The following PLCE1 variants were observed in gnomAD, a reference collection of about 807,000 sequenced individuals.
PLCE1 encodes the protein phospholipase C epsilon 1.
PLCE1 carries 119 observed loss-of-function variants against 242.8 expected under a neutral mutation model. The observed-to-expected ratio is 0.49, with a 90% CI of 0.42 to 0.57. PLCE1 has a LOEUF of 0.57. Among genes scored for constraint, PLCE1 ranks in the 20% least tolerant of loss-of-function variants. PLCE1 has a pLI of 0.00. For missense variants in PLCE1, 2,441 were observed against 2,788.8 expected (o/e 0.88, Z 2.81); for synonymous variants, 945 against 1,017.4 (o/e 0.93, Z 1.35).
chr10:94,009,803 T>A (rs1462834160), intron 1 of PLCE1, among the ~76,000 whole-genome samples: 1 of 152,264 alleles, frequency 6.6e-6, no homozygotes, highest in East Asian at 1.9e-4. Flanking sequence ...CAGAGCACAC[T>A]GGTGCTTTAT....
At chr10:94,257,791 G>A (rs966841044) in intron 11 of PLCE1, among the ~76,000 whole-genome samples, 2 of 152,150 alleles carry the variant, frequency 1.3e-5, no homozygotes, top group African/African-American at 4.8e-5. Context: ...GGAGGAGGGA[G>A]GGATAGCATT....
chr10:94,308,845 T>C (rs778927879), intron 27 of PLCE1, 146 bp downstream of exon 27: 1 of 750,670 alleles, frequency 1.3e-6, no homozygotes, highest in Non-Finnish European at 2.4e-6. Flanking sequence ...CACTTGGCAC[T>C]GACTAAGCAC....
Position 94,141,535 on chromosome 10 carries a change from GT to G in PLCE1, c.1492+9077del. ...AAGGTGAAGGGAAGGCTAAGGGAAG[GT>G]GAAGGGAAGGCTAAGGGAAGGTGAA... On this transcript the variant is annotated intron_variant, in intron 3 of 32. Coordinates refer to ENST00000371380, the MANE Select transcript of PLCE1 (RefSeq NM_016341.4). 2.3e-5 allele frequency among the ~76,000 whole-genome samples: 3 copies of G among 131,360 alleles called. 1 individual carries two copies. The highest frequency in any genetic ancestry group is 1.5e-4 in the Admixed American group (2 of 13,290). 86.2% of individuals were successfully genotyped at this position (131,360 alleles called of 152,430 possible).
intron 2 of PLCE1, among the ~76,000 whole-genome samples, chr10:94,053,346 A>G (rs1180720809): frequency 6.6e-6 from 1 of 152,242 alleles, no homozygotes; most frequent in Non-Finnish European, 1.5e-5. Flanking sequence ...TGTCATTATG[A>G]TCTCTGTGAC....
intron 7 of PLCE1, among the ~76,000 whole-genome samples, chr10:94,245,552 T>A (rs968764660): frequency 6.6e-6 from 1 of 152,236 alleles, no homozygotes; most frequent in Admixed American, 6.5e-5. Context: ...AGTGGCACGA[T>A]CGCAGCTCAC....
intron 1 of PLCE1, among the ~76,000 whole-genome samples, chr10:94,007,557 C>A (rs1262934893): frequency 7.8e-5 from 11 of 140,136 alleles, no homozygotes; most frequent in Admixed American, 6.5e-4. Flanking sequence ...AAGTGATATA[C>A]AAATACATTC....
intron 27 of PLCE1, among the ~76,000 whole-genome samples, chr10:94,311,666 C>CCCTG (rs1423836023): frequency 6.6e-6 from 1 of 152,120 alleles, no homozygotes; most frequent in Non-Finnish European, 1.5e-5. Context: ...ATTGCCTTGG[C>CCCTG]CCTGGTTCAT....
chr10:94,065,490 C>T (rs566044176), intron 2 of PLCE1, among the ~76,000 whole-genome samples: 1 of 152,180 alleles, frequency 6.6e-6, no homozygotes, highest in African/African-American at 2.4e-5. Flanking sequence ...AAGACATGAC[C>T]CGTGGATTAT....
In PLCE1 at chr10:94,074,586, A is replaced by C. The variant is rs147663193; in HGVS notation, c.1206+42334A>C. ...GAGTTTAGTAAATCTGGTGATTTTT[A>C]TCTCTAAATGGAACTGCTTTATGAG... On this transcript the variant is annotated intron_variant, in intron 2 of 32. Coordinates refer to ENST00000371380, the MANE Select transcript of PLCE1 (RefSeq NM_016341.4). Among the ~76,000 whole-genome samples the C allele has an allele frequency of 1.4e-3, 206 of 152,296 alleles. 2 individuals carry two copies. Among genetic ancestry groups the C allele is most frequent in the African/African-American group, 4.1e-3 (169 of 41,548 alleles).
Position 94,270,523 on chromosome 10 carries a change from A to G in PLCE1, c.4427A>G (p.Asn1476Ser), listed in dbSNP as rs560712395. 4 of 1,613,776 alleles carry G rather than the reference A, an allele frequency of 2.5e-6. No individual in the cohort carries two copies. Among genetic ancestry groups the G allele is most frequent in the African/African-American group, 2.7e-5 (2 of 74,900 alleles). The change falls in exon 18 of 33, where the codon AAC (asparagine) becomes AGC (serine). Residue 1476 changes from asparagine to serine, a missense_variant. Around this residue, in one of 5 missense-constraint regions of PLCE1, gnomAD observed 1,004 missense variants for 1,322.7 expected, o/e 0.76. Transcript: ENST00000371380. The stretch of plus-strand genomic sequence containing the variant: ...GCCATTGATCGCAGTGCCTTCATCA[A>G]CTCTGACCTGCCAATCATCATATCG... ...VEAIDRSAFINSDLPIIISIE... is the reference protein window; with the variant it reads ...VEAIDRSAFISSDLPIIISIE...
At chr10:94,238,751 TAGAGA>T (rs2050405977) in intron 7 of PLCE1, among the ~76,000 whole-genome samples, 1 of 152,188 alleles carries the variant, frequency 6.6e-6, no homozygotes, top group Non-Finnish European at 1.5e-5. Flanking sequence ...TGAAGGTGTG[TAGAGA>T]AGAGTATAGA....
At position 94,273,617 on chromosome 10, in the gene PLCE1, A is replaced by T; in HGVS notation, c.4562A>T (p.Asp1521Val). 1 of 1,613,586 alleles carries T rather than the reference A, an allele frequency of 6.2e-7. No homozygotes were observed. The highest frequency in any genetic ancestry group is 8.5e-7 in the Non-Finnish European group (1 of 1,179,530). ...TTCTTATTTGAGACTGATTTCTCAG[A>T]TGATCCAATGCTTCCTTCACCTGAC... is the stretch of plus-strand genomic sequence containing the variant. The part of the protein sequence containing the change: ...TKFLFETDFS[D>V]DPMLPSPDQL... The change falls in exon 19 of 33, where the codon GAT (aspartate) becomes GTT (valine). Residue 1521 changes from aspartate to valine, a missense_variant. Coordinates refer to ENST00000371380, the MANE Select transcript of PLCE1 (RefSeq NM_016341.4).
intron 2 of PLCE1, among the ~76,000 whole-genome samples, chr10:94,102,757 G>A (rs2045585236): frequency 6.6e-6 from 1 of 152,148 alleles, no homozygotes; most frequent in Non-Finnish European, 1.5e-5. Flanking sequence ...CTGGTGCCAC[G>A]ACGGGTCTTA....
At chr10:94,010,568 T>C (rs2061150349) in intron 1 of PLCE1, among the ~76,000 whole-genome samples, 1 of 152,214 alleles carries the variant, frequency 6.6e-6, no homozygotes, top group Non-Finnish European at 1.5e-5. Flanking sequence ...GTTTCCCTTT[T>C]AAATAAGAGT....
chr10:94,068,930 A>G (rs975150372), intron 2 of PLCE1, among the ~76,000 whole-genome samples: 2 of 152,180 alleles, frequency 1.3e-5, no homozygotes, highest in Admixed American at 1.3e-4. Context: ...ACGGTATTTT[A>G]TTTACCTCTT....
chr10:94,132,749 GACC>G (rs1480689831), intron 3 of PLCE1, among the ~76,000 whole-genome samples: 1 of 152,108 alleles, frequency 6.6e-6, no homozygotes, highest in Non-Finnish European at 1.5e-5. Context: ...AGGAGATCGA[GACC>G]ATCCTGGCCA....
At chr10:94,107,188 C>T (rs1362183100) in intron 2 of PLCE1, 3 of 152,072 alleles carry the variant, frequency 2.0e-5, no homozygotes, top group Middle Eastern at 3.4e-3. Context: ...ATTTGGTATC[C>T]GTTATTTAGG....
intron 1 of PLCE1, among the ~76,000 whole-genome samples, chr10:94,016,956 C>A (rs1247039005): frequency 6.6e-6 from 1 of 152,160 alleles, no homozygotes; most frequent in Non-Finnish European, 1.5e-5. Flanking sequence ...ATGAACTATA[C>A]TTAACATGCT....
intron 4 of PLCE1, among the ~76,000 whole-genome samples, chr10:94,223,161 C>T (rs1392061051): frequency 7.4e-6 from 1 of 134,820 alleles, no homozygotes; most frequent in Admixed American, 8.8e-5. Context: ...GCTATGGAAG[C>T]GGAAGCGGGA....
Sources: gnomAD v4.1 joint callset for allele counts (sites outside exome capture counted in the v4.1 genomes callset) on GRCh38, gnomAD v4.1.1 for gene constraint, gnomAD v4.1.1 regional missense constraint, MANE v1.5 for transcripts, NCBI Gene and HGNC (gene_info 2026-07-23, HGNC 2026-07-21) for gene names.